Variants in RBFOX1 observed in about 807,000 individuals in gnomAD.
RBFOX1 encodes the protein RNA binding fox-1 homolog 1.
A neutral mutation model predicts 57.7 loss-of-function variants in RBFOX1; 8 were observed. That is an observed-to-expected ratio of 0.14 (90% CI 0.08 to 0.25). The LOEUF (loss-of-function observed/expected upper bound fraction) is 0.25. Ranked by LOEUF, RBFOX1 falls within the 10% of genes least tolerant of loss-of-function variation. The pLI is 1.00. For missense variants in RBFOX1, 611 were observed against 548.5 expected, an observed-to-expected ratio of 1.11 and a Z score of -1.14; for synonymous variants, 326 against 222.4, an observed-to-expected ratio of 1.47 and a Z score of -4.15.
rs74980624 is a variant in RBFOX1, at chr16:5,472,290, T to C, written c.258+5036T>C. Among the ~76,000 whole-genome samples, 1,479 of 152,266 alleles carry C rather than the reference T, an allele frequency of 9.7e-3. 27 individuals are homozygous for C. The highest frequency in any genetic ancestry group is 0.034 in the African/African-American group (1,416 of 41,542). ...GGGGAGGAGGGCCTGGCATTGCTTG[T>C]ACACCTACTGTGTTCCAGGCACCTT... On this transcript the variant is annotated intron_variant, in intron 2 of 2. Coordinates refer to the RBFOX1 transcript ENST00000585867.
chr16:6,533,269 A>G lies in RBFOX1; in HGVS notation c.-63-121334A>G, dbSNP rs151044968. ...GAGAACTTTTCTAAGTAACCTATGC[A>G]CATGATAATTTGATTTGAATGCTTT... is the stretch of plus-strand genomic sequence containing the variant. On this transcript the variant is annotated intron_variant, in intron 2 of 15. Coordinates refer to ENST00000550418, the MANE Select transcript of RBFOX1 (RefSeq NM_018723.4). Among the ~76,000 whole-genome samples, 28 of 152,364 alleles carry G rather than the reference A, an allele frequency of 1.8e-4. No homozygotes were observed. The East Asian group carries it at 5.2e-3, about 28-fold the overall frequency.
intron 1 of RBFOX1, among the ~76,000 whole-genome samples, chr16:6,111,817 G>T (rs1465851888): frequency 6.6e-6 from 1 of 152,154 alleles, no homozygotes; most frequent in East Asian, 1.9e-4. Context: ...GATTACTAAA[G>T]AATCAGTACC....
chr16:6,928,389 C>G (rs2075983992), intron 3 of RBFOX1, among the ~76,000 whole-genome samples: 1 of 151,984 alleles, frequency 6.6e-6, no homozygotes, highest in African/African-American at 2.4e-5. Flanking sequence ...AACAAAGGGC[C>G]CTGTGGGAGC....
intron 10 of RBFOX1, among the ~76,000 whole-genome samples, chr16:7,612,529 A>C (rs2057712534): frequency 6.6e-6 from 1 of 151,698 alleles, no homozygotes; most frequent in Non-Finnish European, 1.5e-5. Flanking sequence ...TAGTGTTTCC[A>C]AGAATGTGGA....
At chr16:6,562,797 C>G (rs983888560) in intron 2 of RBFOX1, among the ~76,000 whole-genome samples, 3 of 149,964 alleles carry the variant, frequency 2.0e-5, no homozygotes, top group Non-Finnish European at 4.4e-5. Context: ...TATTTTGAGT[C>G]TGTGTAAGCA....
chr16:5,948,946 G>A (rs575574874), intron 4 of RBFOX1, among the ~76,000 whole-genome samples: 5 of 152,232 alleles, frequency 3.3e-5, no homozygotes, highest in African/African-American at 7.2e-5. Context: ...CAATGATTTC[G>A]TATTATTTTA....
At chr16:7,212,674 G>C (rs1376194509) in intron 4 of RBFOX1, among the ~76,000 whole-genome samples, 4 of 152,134 alleles carry the variant, frequency 2.6e-5, no homozygotes, top group Non-Finnish European at 4.4e-5. Flanking sequence ...GAGGAGTGTA[G>C]TTATTAGGAA....
At chr16:6,690,545 G>T (rs539402535) in intron 3 of RBFOX1, among the ~76,000 whole-genome samples, 1 of 96,260 alleles carries the variant, frequency 1.0e-5, no homozygotes, top group East Asian at 3.2e-4. Context: ...AAACCTCAAA[G>T]ATCATCGTTT....
intron 1 of RBFOX1, among the ~76,000 whole-genome samples, chr16:6,065,031 T>C (rs561740921): frequency 1.5e-4 from 23 of 151,866 alleles, no homozygotes; most frequent in African/African-American, 5.1e-4. Flanking sequence ...TTCTTTCTTT[T>C]TTTTTCTTTT....
chr16:7,052,623 TC>T (rs1256004526), intron 4 of RBFOX1, among the ~76,000 whole-genome samples: 2 of 152,138 alleles, frequency 1.3e-5, no homozygotes, highest in Non-Finnish European at 2.9e-5. Flanking sequence ...ATATTCTGTT[TC>T]CCCACTTAAA....
chr16:6,134,717 A>C (rs556341435), intron 1 of RBFOX1, among the ~76,000 whole-genome samples: 3 of 148,268 alleles, frequency 2.0e-5, no homozygotes, highest in Non-Finnish European at 3.0e-5. Flanking sequence ...TCACTCTGTC[A>C]CCCAGGCTGG....
chr16:7,551,096 A>AAG (rs2086298712), intron 5 of RBFOX1, among the ~76,000 whole-genome samples: 1 of 149,420 alleles, frequency 6.7e-6, no homozygotes. Flanking sequence ...CTCAAAAAAA[A>AAG]AAAAAAAAAG....
At chr16:6,362,995 G>A (rs2088879970) in intron 2 of RBFOX1, among the ~76,000 whole-genome samples, 1 of 152,156 alleles carries the variant, frequency 6.6e-6, no homozygotes, top group Admixed American at 6.5e-5. Context: ...TTGGGCTGAA[G>A]CTGGCATGAT....
At chr16:6,575,084 T>C (rs981370991) in intron 2 of RBFOX1, among the ~76,000 whole-genome samples, 3 of 150,080 alleles carry the variant, frequency 2.0e-5, no homozygotes, top group Non-Finnish European at 4.4e-5. Flanking sequence ...AATGCTATCG[T>C]GTAGTTGCTT....
intron 1 of RBFOX1, among the ~76,000 whole-genome samples, chr16:6,244,192 T>A (rs1449979992): frequency 6.6e-6 from 1 of 152,154 alleles, no homozygotes; most frequent in Non-Finnish European, 1.5e-5. Context: ...GTCAACATTT[T>A]TTTTTTTTTA....
chr16:5,379,628 C>A (rs547259093), intron 1 of RBFOX1, among the ~76,000 whole-genome samples: 9 of 152,170 alleles, frequency 5.9e-5, no homozygotes, highest in African/African-American at 2.2e-4. Flanking sequence ...AACTTCCTCT[C>A]CATGAGCTCC....
intron 4 of RBFOX1, among the ~76,000 whole-genome samples, chr16:7,365,568 C>A (rs1038502562): frequency 5.9e-5 from 9 of 152,186 alleles, no homozygotes; most frequent in African/African-American, 2.2e-4. Context: ...CTGCTGACAT[C>A]TACGGGATAG....
intron 1 of RBFOX1, among the ~76,000 whole-genome samples, chr16:5,327,429 C>G (rs2064610418): frequency 6.6e-6 from 1 of 152,184 alleles, no homozygotes; most frequent in African/African-American, 2.4e-5. Context: ...TGCTTTCAGT[C>G]CCAGGAAATG....
At chr16:6,718,183 C>T (rs150593136) in intron 3 of RBFOX1, among the ~76,000 whole-genome samples, 8 of 152,272 alleles carry the variant, frequency 5.3e-5, no homozygotes, top group South Asian at 4.1e-4. Flanking sequence ...ATTGTCTCAT[C>T]AGTAGAAACT....
Sources: allele counts gnomAD v4.1 joint callset (sites outside exome capture counted in the v4.1 genomes callset), GRCh38; gene constraint gnomAD v4.1.1; transcripts MANE v1.5; gene names NCBI Gene and HGNC (gene_info 2026-07-23, HGNC 2026-07-21).